The following NDUFB3 variants were observed in gnomAD, a reference collection of about 807,000 sequenced individuals.
The protein encoded by NDUFB3 is NADH:ubiquinone oxidoreductase subunit B3, also known as NADH dehydrogenase [ubiquinone] 1 beta subcomplex subunit 3.
A neutral mutation model predicts 9.0 loss-of-function variants in NDUFB3; 7 were observed. That is an observed-to-expected ratio of 0.78 (90% CI 0.44 to 1.46). The LOEUF is 1.46. Ranked by LOEUF, NDUFB3 falls within the 40% of genes most tolerant of loss-of-function variation. The probability of loss-of-function intolerance (pLI) is 0.01; values close to 1 mark genes in which losing one functional copy is unlikely to be tolerated. For synonymous variants in NDUFB3, 29 were observed against 38.5 expected (o/e 0.75, Z 0.91); for missense variants, 93 against 115.4 (o/e 0.81, Z 0.89).
intron 2 of NDUFB3, among the ~76,000 whole-genome samples, chr2:201,083,367 T>C (rs2047251942): frequency 1.3e-5 from 2 of 150,392 alleles, no homozygotes; most frequent in South Asian, 4.2e-4. Context: ...TTTTTTTTTT[T>C]TTTTGAGACA....
intron 2 of NDUFB3, among the ~76,000 whole-genome samples, chr2:201,081,252 G>A (rs2047218859): frequency 6.6e-6 from 1 of 151,844 alleles, no homozygotes. Context: ...GGGAGGCCGA[G>A]GCGGGTGGAT....
intron 2 of NDUFB3, among the ~76,000 whole-genome samples, chr2:201,082,686 C>G (rs965526480): frequency 6.7e-6 from 1 of 149,038 alleles, no homozygotes; most frequent in African/African-American, 2.5e-5. Flanking sequence ...ATCTTGTTAC[C>G]TTGCTAAATT....
intron 1 of NDUFB3, chr2:201,072,372 T>A (rs2047088896): frequency 6.6e-6 from 1 of 152,160 alleles, no homozygotes; most frequent in Non-Finnish European, 1.5e-5. Flanking sequence ...GTAATAACAG[T>A]TCATTTGTTT....
chr2:201,081,985 T>C (rs2047230039), intron 2 of NDUFB3, among the ~76,000 whole-genome samples: 1 of 151,672 alleles, frequency 6.6e-6, no homozygotes, highest in Non-Finnish European at 1.5e-5. Flanking sequence ...CCGGCTAATT[T>C]TTTGTATTTT....
chr2:201,076,343 C>T (rs965476888), intron 1 of NDUFB3, among the ~76,000 whole-genome samples: 5 of 151,666 alleles, frequency 3.3e-5, no homozygotes, highest in African/African-American at 7.3e-5. Context: ...GGGTCCATCG[C>T]TATAAAACAT....
At chr2:201,076,865 C>T (rs1270305234) in intron 1 of NDUFB3, among the ~76,000 whole-genome samples, 1 of 152,148 alleles carries the variant, frequency 6.6e-6, no homozygotes, top group Non-Finnish European at 1.5e-5. Flanking sequence ...CTTTGGGAGG[C>T]GGAGGCGGGC....
intron 1 of NDUFB3, among the ~76,000 whole-genome samples, chr2:201,076,962 T>C (rs750662499): frequency 1.3e-5 from 2 of 151,614 alleles, no homozygotes; most frequent in African/African-American, 4.8e-5. Context: ...TAGCCGGGCA[T>C]GGTGGCGCAT....
In NDUFB3 at chr2:201,073,535, G is replaced by A. The variant is rs561328469; in HGVS notation, c.-3+1476G>A. On this transcript the variant is annotated intron_variant, in intron 1 of 2. Transcript: ENST00000237889. ...TGTAATCCCAACACTTTGGGTGGCC[G>A]AGGCAGGCGGATAATGAGGTCCAGA... Among the ~76,000 whole-genome samples the A allele has an allele frequency of 6.6e-5, 10 of 152,278 alleles. No homozygotes were observed. In the East Asian group the frequency reaches 7.7e-4, roughly 12 times the overall value.
At chr2:201,082,807 G>T (rs938515452) in intron 2 of NDUFB3, among the ~76,000 whole-genome samples, 1 of 143,856 alleles carries the variant, frequency 7.0e-6, no homozygotes, top group African/African-American at 2.6e-5. Context: ...TCCGCTTCCC[G>T]GGTTCACGCC....
At chr2:201,073,660 C>G (rs1166865565) in intron 1 of NDUFB3, among the ~76,000 whole-genome samples, 1 of 151,834 alleles carries the variant, frequency 6.6e-6, no homozygotes, top group Non-Finnish European at 1.5e-5. Context: ...CCCAGCTACT[C>G]GGTAGGCTGA....
chr2:201,077,428 G>A (rs146660913), intron 1 of NDUFB3, among the ~76,000 whole-genome samples: 1,572 of 152,078 alleles, frequency 0.01, 17 homozygotes, highest in South Asian at 0.014. Context: ...TAACCATTGA[G>A]GACATGTTTT....
intron 1 of NDUFB3, among the ~76,000 whole-genome samples, chr2:201,074,233 G>A (rs1024878690): frequency 6.6e-6 from 1 of 152,056 alleles, no homozygotes; most frequent in Non-Finnish European, 1.5e-5. Context: ...GATTACAGGC[G>A]TGAGCCACCG....
chr2:201,074,536 A>G (rs1490744087), intron 1 of NDUFB3, among the ~76,000 whole-genome samples: 1 of 146,282 alleles, frequency 6.8e-6, no homozygotes, highest in Non-Finnish European at 1.5e-5. Context: ...GGCTCACTGC[A>G]ACCTCCACCT....
intron 2 of NDUFB3, among the ~76,000 whole-genome samples, chr2:201,084,009 G>A (rs1333895666): frequency 1.3e-5 from 2 of 151,820 alleles, no homozygotes; most frequent in Non-Finnish European, 2.9e-5. Context: ...TACAAAAATT[G>A]GCCGGGCGCG....
intron 2 of NDUFB3, among the ~76,000 whole-genome samples, chr2:201,084,750 T>C (rs1418397487): frequency 1.3e-5 from 2 of 152,216 alleles, no homozygotes; most frequent in Non-Finnish European, 2.9e-5. Flanking sequence ...TTTAATTAGC[T>C]CTCGTATTTC....
At chr2:201,078,062 G>A (rs1181390151) in intron 1 of NDUFB3, among the ~76,000 whole-genome samples, 1 of 151,934 alleles carries the variant, frequency 6.6e-6, no homozygotes, top group African/African-American at 2.4e-5. Flanking sequence ...CAGCACTTTG[G>A]GAGGCTGAGG....
chr2:201,077,351 G>A (rs925775942), intron 1 of NDUFB3, among the ~76,000 whole-genome samples: 4 of 152,124 alleles, frequency 2.6e-5, no homozygotes, highest in Non-Finnish European at 4.4e-5. Flanking sequence ...CAATTTAAAT[G>A]AGGACTGAGC....
Position 201,072,075 on chromosome 2 carries a change from G to A in NDUFB3, c.-3+16G>A, listed in dbSNP as rs1016313574. 3 of 152,250 alleles carry A rather than the reference G, an allele frequency of 2.0e-5. No homozygotes were observed. The highest frequency in any genetic ancestry group is 4.4e-5 in the Non-Finnish European group (3 of 68,076). 9.4% of individuals were successfully genotyped at this position (152,250 alleles called of 1,614,324 possible). On this transcript the variant is annotated intron_variant, in intron 1 of 2. Coordinates refer to ENST00000237889, the MANE Select transcript of NDUFB3 (RefSeq NM_002491.3). ...TTGCTGTCAGGTAAATTAGGGAGTTGGTGGGAGGCCCGTTGATTAGGATTA... is the reference window on the plus strand; with the variant it reads ...TTGCTGTCAGGTAAATTAGGGAGTTAGTGGGAGGCCCGTTGATTAGGATTA...
intron 2 of NDUFB3, among the ~76,000 whole-genome samples, chr2:201,083,351 CTTT>C (rs748310803): frequency 1.9e-4 from 23 of 119,968 alleles, no homozygotes; most frequent in African/African-American, 7.1e-4. Flanking sequence ...TTTATTATTT[CTTT>C]TTTTTTTTTT....
Sources: allele counts gnomAD v4.1 joint callset (sites outside exome capture counted in the v4.1 genomes callset), GRCh38; gene constraint gnomAD v4.1.1; transcripts MANE v1.5; gene names NCBI Gene and HGNC (gene_info 2026-07-23, HGNC 2026-07-21).